RIMS2: variants seen among roughly 807,000 people sequenced by gnomAD.
RIMS2 encodes the protein regulating synaptic membrane exocytosis protein 2.
In RIMS2, 59 loss-of-function variants were observed where a neutral mutation model predicts 174.4. The ratio of observed to expected loss-of-function variants is 0.34; its 90% CI spans 0.27 to 0.42. The LOEUF is 0.42. Ranked by LOEUF, RIMS2 falls within the 10% of genes least tolerant of loss-of-function variation. The probability of loss-of-function intolerance (pLI) is 1.00; values close to 1 mark genes in which losing one functional copy is unlikely to be tolerated. For missense variants in RIMS2, 1,620 were observed against 1,666.3 expected, an observed-to-expected ratio of 0.97 and a Z score of 0.48; for synonymous variants, 606 against 572.5, an observed-to-expected ratio of 1.06 and a Z score of -0.84.
At chr8:104,203,907 T>C (rs2099067644) in intron 19 of RIMS2, among the ~76,000 whole-genome samples, 1 of 152,218 alleles carries the variant, frequency 6.6e-6, no homozygotes, top group Non-Finnish European at 1.5e-5. Context: ...TGGTGACTTT[T>C]ATAAAGAATG....
chr8:103,553,948 G>A (rs1249953524), intron 1 of RIMS2, among the ~76,000 whole-genome samples: 1 of 50,768 alleles, frequency 2.0e-5, no homozygotes, highest in African/African-American at 2.0e-4. Flanking sequence ...TCTAGCAGTG[G>A]GAAAAGGACC....
chr8:103,668,986 T>C (rs1474294062), intron 1 of RIMS2, among the ~76,000 whole-genome samples: 1 of 152,186 alleles, frequency 6.6e-6, no homozygotes, highest in African/African-American at 2.4e-5. Flanking sequence ...TGTAGCATTG[T>C]TTTCTAGATG....
chr8:104,002,013 T>C (rs996631994), intron 17 of RIMS2, among the ~76,000 whole-genome samples: 1 of 152,082 alleles, frequency 6.6e-6, no homozygotes, highest in East Asian at 1.9e-4. Flanking sequence ...ATAATCTATT[T>C]AGCACCCACT....
intron 19 of RIMS2, among the ~76,000 whole-genome samples, chr8:104,208,790 A>C (rs1587437805): frequency 6.6e-6 from 1 of 150,574 alleles, no homozygotes; most frequent in African/African-American, 2.5e-5. Flanking sequence ...GGCTTGAAAA[A>C]CCTCCCAAAG....
At chr8:103,509,302 A>G (rs1794935209) in intron 1 of RIMS2, among the ~76,000 whole-genome samples, 2 of 152,124 alleles carry the variant, frequency 1.3e-5, no homozygotes, top group Non-Finnish European at 2.9e-5. Context: ...CTTCAGGACT[A>G]TCATCCTTTT....
chr8:103,619,573 C>A (rs766739463), intron 1 of RIMS2, among the ~76,000 whole-genome samples: 1 of 151,938 alleles, frequency 6.6e-6, no homozygotes, highest in Non-Finnish European at 1.5e-5. Context: ...GGTTGGTAAA[C>A]AGTGGGGAAG....
chr8:103,893,809 T>C (rs943727129), intron 4 of RIMS2, among the ~76,000 whole-genome samples: 6 of 152,096 alleles, frequency 3.9e-5, no homozygotes, highest in African/African-American at 1.4e-4. Flanking sequence ...CATGTTGTGC[T>C]CTCATTGCTT....
At chr8:104,142,195 C>T (rs1055589551) in intron 19 of RIMS2, among the ~76,000 whole-genome samples, 3 of 146,520 alleles carry the variant, frequency 2.0e-5, no homozygotes, top group East Asian at 2.0e-4. Flanking sequence ...GGCGTGATCT[C>T]GGCTCAACCA....
intron 19 of RIMS2, among the ~76,000 whole-genome samples, chr8:104,229,182 C>T (rs2099209068): frequency 6.6e-6 from 1 of 152,154 alleles, no homozygotes; most frequent in Admixed American, 6.5e-5. Context: ...ATGAAGGAAA[C>T]TCACTAGAAA....
intron 19 of RIMS2, among the ~76,000 whole-genome samples, chr8:104,070,776 A>G (rs1174824441): frequency 6.6e-6 from 1 of 152,204 alleles, no homozygotes; most frequent in African/African-American, 2.4e-5. Context: ...AAATACTTAT[A>G]TAGTCTCAAT....
intron 19 of RIMS2, among the ~76,000 whole-genome samples, chr8:104,220,586 ATTTAT>A (rs146296994): frequency 9.2e-5 from 14 of 151,976 alleles, no homozygotes; most frequent in African/African-American, 1.4e-4. Flanking sequence ...TCCCCAGCCA[ATTTAT>A]TTTATTTTAT....
intron 16 of RIMS2, among the ~76,000 whole-genome samples, chr8:103,984,824 T>G (rs2094213777): frequency 6.6e-6 from 1 of 152,130 alleles, no homozygotes; most frequent in Non-Finnish European, 1.5e-5. Flanking sequence ...ATACAGAAAA[T>G]GTATTTATGC....
intron 3 of RIMS2, among the ~76,000 whole-genome samples, chr8:103,843,900 A>G (rs142983770): frequency 6.6e-5 from 10 of 152,130 alleles, no homozygotes; most frequent in Admixed American, 6.5e-4. Context: ...CCCAAATCTC[A>G]TCTTGAATTC....
At chr8:104,077,890 C>T (rs1189482243) in intron 19 of RIMS2, among the ~76,000 whole-genome samples, 2 of 151,740 alleles carry the variant, frequency 1.3e-5, no homozygotes, top group African/African-American at 2.4e-5. Flanking sequence ...CGCCCGTAAT[C>T]CCAGCACTTC....
chr8:103,614,991 C>T (rs999617618), intron 1 of RIMS2, among the ~76,000 whole-genome samples: 1 of 152,180 alleles, frequency 6.6e-6, no homozygotes, highest in African/African-American at 2.4e-5. Flanking sequence ...TTACATTTCT[C>T]TGTTTCACAT....
At chr8:103,813,212 G>T (rs1046948386) in intron 3 of RIMS2, among the ~76,000 whole-genome samples, 4 of 152,162 alleles carry the variant, frequency 2.6e-5, no homozygotes, top group Non-Finnish European at 5.9e-5. Flanking sequence ...AGTATGTCAT[G>T]AATTATCATG....
At chr8:103,933,748 A>C (rs2080561293) in intron 12 of RIMS2, among the ~76,000 whole-genome samples, 1 of 152,234 alleles carries the variant, frequency 6.6e-6, no homozygotes, top group African/African-American at 2.4e-5. Context: ...TTCTCTGCCT[A>C]ACTCAAAAAG....
At chr8:103,645,259 A>C (rs2096303781) in intron 1 of RIMS2, among the ~76,000 whole-genome samples, 1 of 152,096 alleles carries the variant, frequency 6.6e-6, no homozygotes, top group South Asian at 2.1e-4. Flanking sequence ...ACTGTATTTA[A>C]ATACTAAATG....
At chr8:103,781,260 A>G (rs2098385502) in intron 3 of RIMS2, among the ~76,000 whole-genome samples, 1 of 152,072 alleles carries the variant, frequency 6.6e-6, no homozygotes, top group South Asian at 2.1e-4. Context: ...GGCATCAAAT[A>G]CCTTACAGCT....
Sources: allele counts gnomAD v4.1 joint callset (sites outside exome capture counted in the v4.1 genomes callset), GRCh38; gene constraint gnomAD v4.1.1; transcripts MANE v1.5; gene names NCBI Gene and HGNC (gene_info 2026-07-23, HGNC 2026-07-21).